The following RBM47 variants were observed in gnomAD, a reference collection of about 807,000 sequenced individuals.
RBM47 encodes RNA-binding protein 47.
Under a neutral mutation model 47.1 loss-of-function variants are expected in RBM47, and 21 were observed. The ratio of observed to expected loss-of-function variants is 0.45; its 90% confidence interval spans 0.32 to 0.64. RBM47 has a LOEUF of 0.64. RBM47 is among the 30% of genes least tolerant of loss of function. The probability of loss-of-function intolerance (pLI) is 0.05; values close to 1 mark genes in which losing one functional copy is unlikely to be tolerated. For synonymous variants in RBM47, 375 were observed against 361.7 expected (o/e 1.04, Z -0.42); for missense variants, 708 against 870.9 (o/e 0.81, Z 2.35).
Position 40,438,365 on chromosome 4 carries a change from C to G in RBM47, c.529G>C (p.Gly177Arg), listed in dbSNP as rs1162486034. ...GCGTAGACGATCACGTCCAGCACGCCCTCGGTGACCTTGGCAATCTCCTCC... is the reference window on the plus strand; with the variant it reads ...GCGTAGACGATCACGTCCAGCACGCGCTCGGTGACCTTGGCAATCTCCTCC... ...ILEEIAKVTE[G>R]VLDVIVYASA... Residue 177 changes from glycine (G) to arginine (R), a missense_variant, in exon 4 of 7, where the codon GGC becomes CGC. Coordinates refer to ENST00000295971, the MANE Select transcript of RBM47 (RefSeq NM_001098634.2). The G allele has an allele frequency of 6.2e-7, 1 of 1,612,410 alleles. No homozygotes were observed. The highest frequency in any genetic ancestry group is 1.7e-5 in the Admixed American group (1 of 60,032).
intron 6 of RBM47, among the ~76,000 whole-genome samples, chr4:40,432,230 ACACACACACACACG>A (rs1383313576): frequency 8.2e-6 from 1 of 121,830 alleles, no homozygotes; most frequent in South Asian, 2.9e-4. Flanking sequence ...ACACACACAC[ACACACACACACACG>A]GGGGTTAACA....
rs6826584 is a variant in RBM47 at position 40,509,032 on chromosome 4, G to A, written c.-155+35390C>T. Among the ~76,000 whole-genome samples, 789 of 152,092 alleles carry A rather than the reference G, an allele frequency of 5.2e-3. 5 individuals carry two copies. Among genetic ancestry groups the A allele is most frequent in the African/African-American group, 0.018 (754 of 41,482 alleles). ...AAAAATTAGCCAGGTGTGGTGGCGC[G>A]TGCCTGTAGCCCAGCTACTTGGGAG... On this transcript the variant is annotated intron_variant, in intron 2 of 6. Coordinates refer to ENST00000295971, the MANE Select transcript of RBM47 (RefSeq NM_001098634.2).
intron 1 of RBM47, among the ~76,000 whole-genome samples, chr4:40,623,694 T>C (rs1308190493): frequency 2.0e-5 from 3 of 152,118 alleles, no homozygotes; most frequent in Non-Finnish European, 4.4e-5. Flanking sequence ...TCCCTAATTT[T>C]GAGAAAACAT....
intron 2 of RBM47, among the ~76,000 whole-genome samples, chr4:40,468,310 G>T (rs1007731902): frequency 6.6e-6 from 1 of 151,936 alleles, no homozygotes. Flanking sequence ...ATAAAAATAA[G>T]AATAAAGGAG....
chr4:40,450,804 G>A (rs1017133241), intron 3 of RBM47, among the ~76,000 whole-genome samples: 3 of 151,988 alleles, frequency 2.0e-5, no homozygotes, highest in Non-Finnish European at 4.4e-5. Context: ...CTACCCACTA[G>A]ATGCAAAAGC....
chr4:40,600,702 C>T (rs1420287071), intron 1 of RBM47, among the ~76,000 whole-genome samples: 4 of 147,364 alleles, frequency 2.7e-5, no homozygotes, highest in African/African-American at 7.5e-5. Flanking sequence ...ATTTCAAGGC[C>T]GGACGCAGTG....
intron 1 of RBM47, among the ~76,000 whole-genome samples, chr4:40,620,827 C>T (rs1428879037): frequency 6.6e-6 from 1 of 152,138 alleles, no homozygotes; most frequent in African/African-American, 2.4e-5. Flanking sequence ...AGCCACTGCA[C>T]CCGGCCCCCC....
intron 1 of RBM47, among the ~76,000 whole-genome samples, chr4:40,554,436 G>A (rs926473837): frequency 2.7e-5 from 4 of 150,720 alleles, no homozygotes; most frequent in African/African-American, 9.8e-5. Flanking sequence ...ACAAAAGCTG[G>A]TGGGCTGGCC....
chr4:40,456,154 C>T (rs1577677404), intron 3 of RBM47, among the ~76,000 whole-genome samples: 2 of 152,246 alleles, frequency 1.3e-5, no homozygotes, highest in South Asian at 4.1e-4. Flanking sequence ...TATTCCTGCA[C>T]GGGAGCTTTG....
At chr4:40,597,430 T>A (rs1205886593) in intron 1 of RBM47, among the ~76,000 whole-genome samples, 3 of 150,996 alleles carry the variant, frequency 2.0e-5, no homozygotes, top group Non-Finnish European at 2.9e-5. Flanking sequence ...ACCCCGTCTC[T>A]ACTAAAAATA....
chr4:40,533,936 C>T (rs1727655607), intron 2 of RBM47, among the ~76,000 whole-genome samples: 2 of 152,048 alleles, frequency 1.3e-5, no homozygotes, highest in Non-Finnish European at 2.9e-5. Flanking sequence ...CTGCCTCAGC[C>T]TCCCGAGTGG....
At chr4:40,578,253 G>A (rs1732523831) in intron 1 of RBM47, among the ~76,000 whole-genome samples, 1 of 151,786 alleles carries the variant, frequency 6.6e-6, no homozygotes, top group African/African-American at 2.4e-5. Context: ...TTTTTCTGTT[G>A]TTCTGTCTCC....
chr4:40,592,036 C>T (rs924463707), intron 1 of RBM47, among the ~76,000 whole-genome samples: 1 of 152,128 alleles, frequency 6.6e-6, no homozygotes, highest in Non-Finnish European at 1.5e-5. Flanking sequence ...AGGAAAAATG[C>T]TTGTTCATAA....
At chr4:40,607,228 T>C (rs1039557986) in intron 1 of RBM47, among the ~76,000 whole-genome samples, 2 of 152,098 alleles carry the variant, frequency 1.3e-5, no homozygotes, top group African/African-American at 2.4e-5. Context: ...CCTGAAAACA[T>C]ATATGCTAAG....
intron 2 of RBM47, among the ~76,000 whole-genome samples, chr4:40,502,670 C>T (rs112005894): frequency 0.024 from 3,697 of 151,950 alleles, 72 homozygotes; most frequent in Non-Finnish European, 0.034. Flanking sequence ...CATGGGGAAA[C>T]GCCATCTTTA....
intron 3 of RBM47, among the ~76,000 whole-genome samples, chr4:40,446,960 G>GCTGT (rs1714634361): frequency 6.6e-6 from 1 of 152,064 alleles, no homozygotes; most frequent in Admixed American, 6.6e-5. Context: ...TAGCAGGTAA[G>GCTGT]CTGTCTGGCA....
chr4:40,457,835 A>T (rs1175328706), intron 3 of RBM47, among the ~76,000 whole-genome samples: 1 of 152,210 alleles, frequency 6.6e-6, no homozygotes, highest in African/African-American at 2.4e-5. Context: ...AGATTTAGAA[A>T]GTGAACTTTT....
At chr4:40,464,340 GT>G (rs1717634328) in intron 3 of RBM47, among the ~76,000 whole-genome samples, 2 of 152,146 alleles carry the variant, frequency 1.3e-5, no homozygotes, top group South Asian at 4.1e-4. Flanking sequence ...TATATATACT[GT>G]TTTTTCCTAT....
At chr4:40,625,536 T>G (rs1033741123) in intron 1 of RBM47, among the ~76,000 whole-genome samples, 1 of 152,176 alleles carries the variant, frequency 6.6e-6, no homozygotes, top group African/African-American at 2.4e-5. Flanking sequence ...TACTTAACTC[T>G]TGCTCACCCA....
Sources: allele counts gnomAD v4.1 joint callset (sites outside exome capture counted in the v4.1 genomes callset), GRCh38; gene constraint gnomAD v4.1.1; transcripts MANE v1.5; gene names NCBI Gene and HGNC (gene_info 2026-07-23, HGNC 2026-07-21).